The following HCN1 variants were observed in gnomAD, a reference collection of about 807,000 sequenced individuals.
HCN1 encodes hyperpolarization activated cyclic nucleotide gated potassium channel 1, also known as potassium/sodium hyperpolarization-activated cyclic nucleotide-gated channel 1.
In HCN1, 13 loss-of-function variants were observed where a neutral mutation model predicts 78.9. The observed-to-expected ratio is 0.16, with a 90% confidence interval of 0.11 to 0.26. HCN1 has a LOEUF of 0.26. Among genes scored for constraint, HCN1 ranks in the 10% least tolerant of loss-of-function variants. The probability of loss-of-function intolerance (pLI) is 1.00; values close to 1 mark genes in which losing one functional copy is unlikely to be tolerated. For missense variants in HCN1, 810 were observed against 1,154.3 expected (o/e 0.70, Z 4.32); for synonymous variants, 552 against 455.5 (o/e 1.21, Z -2.70).
chr5:45,271,540 A>C lies in HCN1; in HGVS notation c.1619-4287T>G, dbSNP rs770036618. ...CACCCATTTATATTCTGTGGAGTTT[A>C]TTTATCAGTGAAAAGTAAAACTCAA... On this transcript the variant is annotated intron_variant, in intron 6 of 7. Coordinates refer to ENST00000303230, the MANE Select transcript of HCN1 (RefSeq NM_021072.4). Among the ~76,000 whole-genome samples, 17 of 152,198 alleles carry C rather than the reference A, an allele frequency of 1.1e-4. 1 individual carries two copies. In the Middle Eastern group the frequency reaches 0.01, roughly 91 times the overall value.
chr5:45,599,351 T>G (rs950916070), intron 2 of HCN1, among the ~76,000 whole-genome samples: 1 of 151,638 alleles, frequency 6.6e-6, no homozygotes, highest in African/African-American at 2.4e-5. Context: ...TGGGTGGGAA[T>G]TGAACAATAA....
At chr5:45,588,771 C>T (rs1267437864) in intron 2 of HCN1, among the ~76,000 whole-genome samples, 1 of 152,140 alleles carries the variant, frequency 6.6e-6, no homozygotes, top group Non-Finnish European at 1.5e-5. Flanking sequence ...TCTATTACTG[C>T]TAACAGTAAC....
At chr5:45,344,194 C>T (rs1746648664) in intron 5 of HCN1, among the ~76,000 whole-genome samples, 1 of 152,086 alleles carries the variant, frequency 6.6e-6, no homozygotes, top group South Asian at 2.1e-4. Context: ...CTTGGGAGAA[C>T]TCACTCACTA....
At chr5:45,536,100 T>A (rs1374647045) in intron 2 of HCN1, among the ~76,000 whole-genome samples, 1 of 152,194 alleles carries the variant, frequency 6.6e-6, no homozygotes, top group Admixed American at 6.5e-5. Context: ...CCTCTCACTC[T>A]ATGTAATTTC....
intron 5 of HCN1, among the ~76,000 whole-genome samples, chr5:45,330,666 C>A (rs529677377): frequency 2.7e-5 from 4 of 150,890 alleles, no homozygotes; most frequent in African/African-American, 9.7e-5. Context: ...GTTTCCTTTT[C>A]TTTTTCAGTG....
chr5:45,438,228 A>C (rs1740598887), intron 3 of HCN1, among the ~76,000 whole-genome samples: 1 of 152,182 alleles, frequency 6.6e-6, no homozygotes, highest in South Asian at 2.1e-4. Flanking sequence ...ATCATCTACA[A>C]GATATGCCAA....
At chr5:45,641,536 TG>T (rs764371638) in intron 2 of HCN1, among the ~76,000 whole-genome samples, 87 of 152,296 alleles carry the variant, frequency 5.7e-4, no homozygotes, top group South Asian at 2.1e-4. Flanking sequence ...CAAAGGAGGT[TG>T]GGGAGATAGG....
At chr5:45,508,274 T>C (rs1179801725) in intron 2 of HCN1, among the ~76,000 whole-genome samples, 1 of 152,150 alleles carries the variant, frequency 6.6e-6, no homozygotes, top group Non-Finnish European at 1.5e-5. Flanking sequence ...CCACTGTATC[T>C]TACTTTTGAA....
chr5:45,551,431 A>G (rs1176770765), intron 2 of HCN1, among the ~76,000 whole-genome samples: 1 of 151,794 alleles, frequency 6.6e-6, no homozygotes, highest in Non-Finnish European at 1.5e-5. Context: ...TTAAGTTTCT[A>G]GACAAAAATG....
chr5:45,666,667 G>C (rs1464438793), intron 1 of HCN1, among the ~76,000 whole-genome samples: 1 of 151,894 alleles, frequency 6.6e-6, no homozygotes, highest in Non-Finnish European at 1.5e-5. Flanking sequence ...AATGTAACAT[G>C]GCCAGGGATC....
At chr5:45,369,150 A>T (rs1333205883) in intron 4 of HCN1, among the ~76,000 whole-genome samples, 2 of 151,594 alleles carry the variant, frequency 1.3e-5, no homozygotes, top group Non-Finnish European at 2.9e-5. Context: ...ATGTTGTTGC[A>T]TATATCCGTA....
chr5:45,309,195 C>T (rs1745798099), intron 5 of HCN1, among the ~76,000 whole-genome samples: 1 of 152,028 alleles, frequency 6.6e-6, no homozygotes, highest in Non-Finnish European at 1.5e-5. Context: ...GGAATGCTGA[C>T]ACAATTTTTG....
chr5:45,381,354 C>T (rs1747803736), intron 4 of HCN1, among the ~76,000 whole-genome samples: 3 of 152,110 alleles, frequency 2.0e-5, no homozygotes, highest in South Asian at 4.1e-4. Context: ...ATTATGGATA[C>T]ATCAGGGCCA....
intron 2 of HCN1, among the ~76,000 whole-genome samples, chr5:45,538,981 G>T (rs544282120): frequency 1.3e-5 from 2 of 152,016 alleles, no homozygotes; most frequent in Non-Finnish European, 2.9e-5. Flanking sequence ...TGAAACAATC[G>T]ATATTTTTCC....
chr5:45,621,090 C>T (rs552788351), intron 2 of HCN1, among the ~76,000 whole-genome samples: 80 of 152,268 alleles, frequency 5.3e-4, no homozygotes, highest in Admixed American at 8.5e-4. Context: ...CCAGCCTTCT[C>T]AACTCAAACA....
chr5:45,566,744 T>A (rs1226946158), intron 2 of HCN1, among the ~76,000 whole-genome samples: 5 of 152,190 alleles, frequency 3.3e-5, no homozygotes, highest in Non-Finnish European at 7.3e-5. Flanking sequence ...GCACAATGGT[T>A]TTCTGGAAGA....
At chr5:45,507,568 A>G (rs1343808947) in intron 2 of HCN1, among the ~76,000 whole-genome samples, 2 of 152,346 alleles carry the variant, frequency 1.3e-5, no homozygotes, top group Non-Finnish European at 2.9e-5. Flanking sequence ...CACCAAAGAT[A>G]CAATAAACAT....
At chr5:45,424,507 G>GA (rs1326312388) in intron 3 of HCN1, among the ~76,000 whole-genome samples, 1 of 151,866 alleles carries the variant, frequency 6.6e-6, no homozygotes, top group Non-Finnish European at 1.5e-5. Flanking sequence ...ACACAGGAGA[G>GA]AAAAAAATTC....
At position 45,346,670 on chromosome 5, in the gene HCN1, G is replaced by A. The variant is rs557211953; in HGVS notation, c.1377+6430C>T. Reference sequence around the variant, plus strand: ...CGGGTCACTCCCACCCTAATACTGCGCTTTTCTGATGGGCTTAAAAACCGG... The same window carrying A: ...CGGGTCACTCCCACCCTAATACTGCACTTTTCTGATGGGCTTAAAAACCGG... On this transcript the variant is annotated intron_variant, in intron 5 of 7. Transcript: ENST00000303230. 3.1e-3 allele frequency among the ~76,000 whole-genome samples: 468 copies of A among 152,284 alleles called. 1 individual carries two copies. Among genetic ancestry groups the A allele is most frequent in the African/African-American group, 0.011 (439 of 41,578 alleles).
Sources: gnomAD v4.1 joint callset for allele counts (sites outside exome capture counted in the v4.1 genomes callset) on GRCh38, gnomAD v4.1.1 for gene constraint, MANE v1.5 for transcripts, NCBI Gene and HGNC (gene_info 2026-07-23, HGNC 2026-07-21) for gene names.